Variants in AK5 observed in about 807,000 individuals in gnomAD.
AK5 encodes the protein adenylate kinase 5, also known as adenylate kinase isoenzyme 5.
Under a neutral mutation model 69.5 loss-of-function variants are expected in AK5, and 27 were observed. The ratio of observed to expected loss-of-function variants is 0.39; its 90% CI spans 0.29 to 0.54. The LOEUF is 0.54. Among genes scored for constraint, AK5 ranks in the 20% least tolerant of loss-of-function variants. The pLI is 0.71. For missense variants in AK5, 531 were observed against 700.4 expected, an observed-to-expected ratio of 0.76 and a Z score of 2.73; for synonymous variants, 260 against 244.4, an observed-to-expected ratio of 1.06 and a Z score of -0.60.
At chr1:77,553,780 CTT>C (rs1415886695) in intron 13 of AK5, among the ~76,000 whole-genome samples, 1 of 152,122 alleles carries the variant, frequency 6.6e-6, no homozygotes, top group Non-Finnish European at 1.5e-5. Flanking sequence ...GGGGAGGAAA[CTT>C]GAGAAGGGGC....
At chr1:77,283,073 G>A (rs1159112596) in intron 1 of AK5, 19 of 985,482 alleles carry the variant, frequency 1.9e-5, no homozygotes, top group Non-Finnish European at 2.3e-5. Context: ...GAGGGGGGCG[G>A]ACTCCTGTTG....
At chr1:77,434,708 A>G (rs1213495451) in intron 8 of AK5, among the ~76,000 whole-genome samples, 1 of 152,206 alleles carries the variant, frequency 6.6e-6, no homozygotes, top group Admixed American at 6.5e-5. Flanking sequence ...TAGGCCAATT[A>G]CCAAAAGGGG....
intron 10 of AK5, among the ~76,000 whole-genome samples, chr1:77,504,674 A>G (rs1656928283): frequency 6.6e-6 from 1 of 152,190 alleles, no homozygotes; most frequent in African/African-American, 2.4e-5. Context: ...TCTTACCAAG[A>G]TGAAGATCAG....
chr1:77,326,262 T>C (rs983237367), intron 5 of AK5, among the ~76,000 whole-genome samples: 1 of 152,204 alleles, frequency 6.6e-6, no homozygotes, highest in Non-Finnish European at 1.5e-5. Flanking sequence ...TTAATAGCCT[T>C]ATGAATTTCT....
chr1:77,538,301 T>C (rs1659077068), intron 13 of AK5, among the ~76,000 whole-genome samples: 2 of 149,984 alleles, frequency 1.3e-5, no homozygotes, highest in South Asian at 4.2e-4. Context: ...ATCGCACCAC[T>C]GCACTCCAGC....
intron 10 of AK5, among the ~76,000 whole-genome samples, chr1:77,499,869 C>CTGTTTTTTTTTTTTTTT (rs749712310): frequency 1.3e-5 from 1 of 78,768 alleles, no homozygotes; most frequent in African/African-American, 4.5e-5. Flanking sequence ...GCCCTTTTTC[C>CTGTTTTTTTTTTTTTTT]ATTTTTTTTT....
intron 1 of AK5, among the ~76,000 whole-genome samples, chr1:77,285,138 A>G (rs1390151933): frequency 1.3e-5 from 2 of 152,200 alleles, no homozygotes; most frequent in Non-Finnish European, 2.9e-5. Flanking sequence ...CTGAGCCATG[A>G]TTTCCTAATC....
chr1:77,355,900 CACACAT>C (rs1173671492), intron 6 of AK5, among the ~76,000 whole-genome samples: 14 of 144,144 alleles, frequency 9.7e-5, no homozygotes, highest in East Asian at 3.9e-4. Context: ...CACACACACA[CACACAT>C]ATATATATAC....
Position 77,282,303 on chromosome 1 carries a change from G to A in AK5, c.-11G>A. 6.5e-7 allele frequency: 1 copy of A among 1,548,696 alleles called. No individual in the cohort carries two copies. The highest frequency in any genetic ancestry group is 8.7e-7 in the Non-Finnish European group (1 of 1,146,644). On this transcript the variant is annotated 5_prime_UTR_variant, in exon 1 of 14. Coordinates refer to ENST00000354567, the MANE Select transcript of AK5 (RefSeq NM_174858.3). Reference sequence around the variant, plus strand: ...TCCCCGCTTGCGCCCCAAGGCACGCGCGGCACAGCCATGAACACCAACGAT... The same window carrying A: ...TCCCCGCTTGCGCCCCAAGGCACGCACGGCACAGCCATGAACACCAACGAT...
chr1:77,307,684 T>G (rs2799556), intron 5 of AK5, among the ~76,000 whole-genome samples: 23,476 of 152,124 alleles, frequency 0.15, 2,208 homozygotes, highest in Non-Finnish European at 0.2. Flanking sequence ...GGAAGATCTT[T>G]CCAATGCTGA....
intron 6 of AK5, chr1:77,371,558 G>A (rs1171272811): frequency 2.0e-5 from 3 of 152,152 alleles, no homozygotes; most frequent in Non-Finnish European, 4.4e-5. Flanking sequence ...GTTCACTTGA[G>A]AGTATAGTGC....
chr1:77,452,193 TTTTG>T (rs1653199707), intron 8 of AK5, among the ~76,000 whole-genome samples: 2 of 152,222 alleles, frequency 1.3e-5, no homozygotes, highest in Admixed American at 6.5e-5. Flanking sequence ...ATATGTATCT[TTTTG>T]TTTGTATGTA....
intron 10 of AK5, among the ~76,000 whole-genome samples, chr1:77,518,349 G>A (rs922503113): frequency 3.3e-5 from 5 of 152,214 alleles, no homozygotes; most frequent in East Asian, 3.9e-4. Flanking sequence ...GCCCCCTCCC[G>A]CTTCATGGAT....
rs962187493 is a variant in AK5 at position 77,530,238 on chromosome 1, G to A, written c.1429-5609G>A. On this transcript the variant is annotated intron_variant, in intron 12 of 13. Transcript: ENST00000354567. ...ATGTTTCTGCTCTCTTCTGATTCCC[G>A]GTTCACTGCAGAACTTAGAGCTGCG... Among the ~76,000 whole-genome samples, 11 of 152,264 alleles carry A rather than the reference G, an allele frequency of 7.2e-5. No individual in the cohort carries two copies. In the East Asian group the frequency reaches 1.7e-3, roughly 24 times the overall value.
intron 13 of AK5, among the ~76,000 whole-genome samples, chr1:77,549,379 A>C (rs891175030): frequency 1.3e-5 from 2 of 152,122 alleles, no homozygotes; most frequent in Non-Finnish European, 2.9e-5. Context: ...ACAGGCATGC[A>C]GTATGTTAGG....
intron 8 of AK5, among the ~76,000 whole-genome samples, chr1:77,475,425 T>TAA (rs1553154948): frequency 3.8e-4 from 1 of 2,650 alleles, no homozygotes; most frequent in African/African-American, 7.3e-4. Context: ...ATACTATATA[T>TAA]TATATATATG....
At chr1:77,486,779 C>T (rs1655633108) in intron 10 of AK5, among the ~76,000 whole-genome samples, 1 of 151,812 alleles carries the variant, frequency 6.6e-6, no homozygotes, top group Admixed American at 6.6e-5. Context: ...AAAATAGTAC[C>T]CCAAGTTTTC....
chr1:77,429,929 A>G (rs1651489458), intron 8 of AK5, among the ~76,000 whole-genome samples: 1 of 152,218 alleles, frequency 6.6e-6, no homozygotes, highest in Non-Finnish European at 1.5e-5. Flanking sequence ...GCTGGAGTGC[A>G]GATGAGCCTG....
intron 10 of AK5, among the ~76,000 whole-genome samples, chr1:77,507,972 C>T (rs1012635291): frequency 2.6e-5 from 4 of 152,140 alleles, no homozygotes. Context: ...GCTGAGTATC[C>T]CTACTCCAAA....
Sources: allele counts gnomAD v4.1 joint callset (sites outside exome capture counted in the v4.1 genomes callset), GRCh38; gene constraint gnomAD v4.1.1; transcripts MANE v1.5; gene names NCBI Gene and HGNC (gene_info 2026-07-23, HGNC 2026-07-21).